Variants in SDK1 observed in about 807,000 individuals in gnomAD.
SDK1 encodes protein sidekick-1.
Under a neutral mutation model 245.5 loss-of-function variants are expected in SDK1, and 157 were observed. The ratio of observed to expected loss-of-function variants is 0.64; its 90% CI spans 0.56 to 0.73. The LOEUF (loss-of-function observed/expected upper bound fraction) is 0.73. SDK1 is among the 30% of genes least tolerant of loss of function. The pLI is 0.00. For synonymous variants in SDK1, 1,647 were observed against 1,278.5 expected (o/e 1.29, Z -6.15); for missense variants, 3,583 against 3,002.3 (o/e 1.19, Z -4.52).
chr7:3,741,238 G>A (rs541105949), intron 4 of SDK1, among the ~76,000 whole-genome samples: 16 of 152,306 alleles, frequency 1.1e-4, no homozygotes, highest in African/African-American at 3.8e-4. Flanking sequence ...AGTGTGTTTT[G>A]AGTTTTTCCA....
At chr7:3,884,121 C>T (rs1344133537) in intron 5 of SDK1, among the ~76,000 whole-genome samples, 1 of 149,552 alleles carries the variant, frequency 6.7e-6, no homozygotes, top group East Asian at 2.0e-4. Context: ...CGCTGTGTCA[C>T]GCAGGCTGGA....
chr7:3,732,241 G>C (rs867605249), intron 4 of SDK1, among the ~76,000 whole-genome samples: 2 of 152,212 alleles, frequency 1.3e-5, no homozygotes, highest in Non-Finnish European at 2.9e-5. Context: ...TCAGTAGAGC[G>C]TGGGAAAACG....
At chr7:3,969,500 G>C (rs773077509) in intron 11 of SDK1, 76 bp downstream of exon 11, 15 of 1,165,216 alleles carry the variant, frequency 1.3e-5, no homozygotes, top group African/African-American at 1.6e-5. Context: ...CTTTGGGGAT[G>C]TCAGCATGCC....
intron 44 of SDK1, among the ~76,000 whole-genome samples, chr7:4,263,506 ACGTAGACCTCTCCTGAGTGGGGAGG>A (rs1788197104): frequency 1.1e-5 from 1 of 94,748 alleles, no homozygotes; most frequent in Non-Finnish European, 2.2e-5. Flanking sequence ...TGGGGAGGCC[ACGTAGACCTCTCCTGAGTGGGGAGG>A]CCGCGTAGAC....
intron 40 of SDK1, among the ~76,000 whole-genome samples, chr7:4,225,174 C>T (rs1785355048): frequency 6.6e-6 from 1 of 151,970 alleles, no homozygotes; most frequent in African/African-American, 2.4e-5. Context: ...CATCCCTGCC[C>T]ATGTCCCAGT....
intron 28 of SDK1, among the ~76,000 whole-genome samples, chr7:4,142,976 GC>G (rs768674300): frequency 2.6e-5 from 4 of 152,208 alleles, no homozygotes; most frequent in Non-Finnish European, 4.4e-5. Context: ...CATTCTCCCA[GC>G]CCCGAGGAAG....
intron 1 of SDK1, among the ~76,000 whole-genome samples, chr7:3,450,666 A>C (rs1780486857): frequency 6.6e-6 from 1 of 152,184 alleles, no homozygotes; most frequent in African/African-American, 2.4e-5. Context: ...GTGGGGACAA[A>C]TGAAGATCTT....
intron 30 of SDK1, among the ~76,000 whole-genome samples, chr7:4,156,751 G>C (rs906705779): frequency 6.6e-6 from 1 of 152,234 alleles, no homozygotes; most frequent in Non-Finnish European, 1.5e-5. Context: ...TGGAGCTCTT[G>C]TTGGCTGATG....
At chr7:3,939,516 A>C (rs1368382906) in intron 5 of SDK1, among the ~76,000 whole-genome samples, 1 of 152,150 alleles carries the variant, frequency 6.6e-6, no homozygotes, top group Non-Finnish European at 1.5e-5. Context: ...CAGTTTCCAC[A>C]ATAAAGTGCA....
intron 5 of SDK1, among the ~76,000 whole-genome samples, chr7:3,941,571 G>A (rs1266384610): frequency 6.6e-6 from 1 of 152,064 alleles, no homozygotes; most frequent in East Asian, 1.9e-4. Context: ...TGTCTGACTG[G>A]GGGATGCCTA....
intron 1 of SDK1, among the ~76,000 whole-genome samples, chr7:3,552,370 T>C (rs1482057686): frequency 1.3e-5 from 2 of 152,188 alleles, no homozygotes; most frequent in East Asian, 3.9e-4. Context: ...CTGTGGTTCC[T>C]GGAAGTTGAA....
chr7:3,838,972 G>A lies in SDK1; in HGVS notation c.847+17389G>A, dbSNP rs151306970. On this transcript the variant is annotated intron_variant, in intron 5 of 44. Transcript: ENST00000404826. ...AAGGCATTCGTTTGGGCAGAGGCAC[G>A]TCCTGTCTGCTCCCTACAAATAGAT... is the stretch of plus-strand genomic sequence containing the variant. Among the ~76,000 whole-genome samples the A allele has an allele frequency of 5.1e-3, 774 of 152,228 alleles. 7 individuals carry two copies. Among genetic ancestry groups the A allele is most frequent in the African/African-American group, 0.018 (729 of 41,524 alleles).
chr7:3,569,594 T>C (rs1046166768), intron 1 of SDK1, among the ~76,000 whole-genome samples: 1 of 152,186 alleles, frequency 6.6e-6, no homozygotes, highest in African/African-American at 2.4e-5. Flanking sequence ...GGTGTCTGCT[T>C]TGCATTCTTC....
intron 1 of SDK1, among the ~76,000 whole-genome samples, chr7:3,590,768 G>A (rs957673368): frequency 6.8e-6 from 1 of 147,412 alleles, no homozygotes; most frequent in African/African-American, 2.5e-5. Context: ...AGTGAGGGCT[G>A]AGTATAGCAC....
chr7:4,074,825 T>A (rs371926683), intron 20 of SDK1, among the ~76,000 whole-genome samples: 19 of 139,766 alleles, frequency 1.4e-4, no homozygotes, highest in African/African-American at 4.6e-4. Flanking sequence ...ATCACCCCAC[T>A]GCACTCCAGC....
chr7:3,499,806 A>G (rs1368120176), intron 1 of SDK1, among the ~76,000 whole-genome samples: 1 of 152,188 alleles, frequency 6.6e-6, no homozygotes, highest in Non-Finnish European at 1.5e-5. Flanking sequence ...GGGTCCTGGG[A>G]AACACAGGGC....
chr7:3,772,740 A>C (rs918904012), intron 4 of SDK1, among the ~76,000 whole-genome samples: 3 of 152,206 alleles, frequency 2.0e-5, no homozygotes, highest in African/African-American at 7.2e-5. Flanking sequence ...TCCTTTTAGC[A>C]TTTTTTGCAG....
intron 32 of SDK1, among the ~76,000 whole-genome samples, chr7:4,166,056 T>G (rs1781479154): frequency 6.6e-6 from 1 of 152,186 alleles, no homozygotes; most frequent in Admixed American, 6.5e-5. Context: ...CCCAAAGTGC[T>G]GGGATTACAG....
At chr7:4,076,201 C>A (rs959545353) in intron 20 of SDK1, among the ~76,000 whole-genome samples, 2 of 152,162 alleles carry the variant, frequency 1.3e-5, no homozygotes, top group African/African-American at 4.8e-5. Flanking sequence ...AGAAGTGTTT[C>A]CATGAATTAG....
Sources: allele counts gnomAD v4.1 joint callset (sites outside exome capture counted in the v4.1 genomes callset), GRCh38; gene constraint gnomAD v4.1.1; transcripts MANE v1.5; gene names NCBI Gene and HGNC (gene_info 2026-07-23, HGNC 2026-07-21).